Variants in CTNNA2 observed in about 807,000 individuals in gnomAD.
The protein encoded by CTNNA2 is catenin alpha 2.
A neutral mutation model predicts 101.0 loss-of-function variants in CTNNA2; 42 were observed. The observed-to-expected ratio is 0.42, with a 90% CI of 0.32 to 0.54. The LOEUF (loss-of-function observed/expected upper bound fraction) is 0.54, where lower values mean the gene tolerates loss of function less well. Ranked by LOEUF, CTNNA2 falls within the 20% of genes least tolerant of loss-of-function variation. The probability of loss-of-function intolerance (pLI) is 0.14; values close to 1 mark genes in which losing one functional copy is unlikely to be tolerated. For synonymous variants in CTNNA2, 450 were observed against 456.4 expected, an observed-to-expected ratio of 0.99 and a Z score of 0.18; for missense variants, 871 against 1,223.1, an observed-to-expected ratio of 0.71 and a Z score of 4.29.
At chr2:79,489,007 C>G (rs1404008967) in intron 4 of CTNNA2, among the ~76,000 whole-genome samples, 3 of 152,148 alleles carry the variant, frequency 2.0e-5, no homozygotes, top group Admixed American at 6.6e-5. Flanking sequence ...AGCATGGAAC[C>G]AGGCTGACAG....
chr2:79,229,851 G>A (rs184799957), intron 2 of CTNNA2, among the ~76,000 whole-genome samples: 148 of 152,324 alleles, frequency 9.7e-4, no homozygotes, highest in African/African-American at 3.4e-3. Context: ...GGGAACTGGA[G>A]CAAAGGTGAC....
chr2:79,263,110 G>A (rs942281605), intron 2 of CTNNA2, among the ~76,000 whole-genome samples: 21 of 152,120 alleles, frequency 1.4e-4, no homozygotes, highest in African/African-American at 5.1e-4. Context: ...GTGAAAAACA[G>A]GATACATAAA....
At chr2:80,143,249 A>G (rs1291007664) in intron 7 of CTNNA2, among the ~76,000 whole-genome samples, 5 of 152,224 alleles carry the variant, frequency 3.3e-5, no homozygotes, top group African/African-American at 1.2e-4. Flanking sequence ...GCAAGTGAAC[A>G]TTCCTGAAGG....
At chr2:79,946,166 G>A (rs1688480463) in intron 7 of CTNNA2, among the ~76,000 whole-genome samples, 1 of 152,118 alleles carries the variant, frequency 6.6e-6, no homozygotes, top group African/African-American at 2.4e-5. Flanking sequence ...AGAGAACTGA[G>A]GCCCAGAGAG....
chr2:79,973,269 C>T (rs1439330714), intron 7 of CTNNA2, among the ~76,000 whole-genome samples: 1 of 152,050 alleles, frequency 6.6e-6, no homozygotes, highest in Non-Finnish European at 1.5e-5. Context: ...GTTTTTCATG[C>T]TGCAAGTACA....
chr2:79,900,817 C>T (rs1005128448), intron 6 of CTNNA2, among the ~76,000 whole-genome samples: 4 of 152,122 alleles, frequency 2.6e-5, no homozygotes, highest in Non-Finnish European at 5.9e-5. Context: ...ATGTTTGTAA[C>T]ACAGAGAAAC....
intron 2 of CTNNA2, among the ~76,000 whole-genome samples, chr2:79,726,541 G>A (rs1385063529): frequency 6.6e-6 from 1 of 152,138 alleles, no homozygotes; most frequent in Admixed American, 6.5e-5. Flanking sequence ...ACAAATGCCT[G>A]ATGATCTGAG....
chr2:79,994,792 C>T (rs1184217261), intron 7 of CTNNA2, among the ~76,000 whole-genome samples: 2 of 152,060 alleles, frequency 1.3e-5, no homozygotes, highest in Non-Finnish European at 2.9e-5. Flanking sequence ...TTAACATCTG[C>T]TCTTTAATAA....
chr2:80,306,948 A>C (rs952394962), intron 7 of CTNNA2, among the ~76,000 whole-genome samples: 4 of 152,024 alleles, frequency 2.6e-5, no homozygotes, highest in African/African-American at 9.7e-5. Flanking sequence ...AAAGAAAGGG[A>C]ATAAAATTAA....
intron 1 of CTNNA2, among the ~76,000 whole-genome samples, chr2:79,197,249 C>T (rs1673973302): frequency 6.6e-6 from 1 of 152,188 alleles, no homozygotes; most frequent in Admixed American, 6.5e-5. Context: ...GCCACCATCA[C>T]TTGAATTTGG....
intron 1 of CTNNA2, among the ~76,000 whole-genome samples, chr2:79,647,167 C>T (rs1231089618): frequency 6.6e-6 from 1 of 152,114 alleles, no homozygotes; most frequent in Non-Finnish European, 1.5e-5. Flanking sequence ...CGTGAGACTG[C>T]ACACTTGATC....
chr2:79,307,125 A>G (rs949021752), intron 2 of CTNNA2, among the ~76,000 whole-genome samples: 19 of 152,288 alleles, frequency 1.2e-4, no homozygotes, highest in Admixed American at 5.9e-4. Flanking sequence ...GACACATAAT[A>G]ATTGTACATA....
chr2:79,949,127 G>C (rs891881676), intron 7 of CTNNA2, among the ~76,000 whole-genome samples: 19 of 152,026 alleles, frequency 1.2e-4, no homozygotes, highest in Non-Finnish European at 2.5e-4. Context: ...TTCAAATGCT[G>C]ATGCATTTGA....
intron 3 of CTNNA2, among the ~76,000 whole-genome samples, chr2:79,348,897 A>G (rs752865131): frequency 1.3e-5 from 2 of 152,152 alleles, no homozygotes; most frequent in Non-Finnish European, 2.9e-5. Flanking sequence ...AAAGCAGTTC[A>G]TTGCATTTAT....
intron 14 of CTNNA2, 51 bp downstream of exon 14, chr2:80,581,870 A>G (rs780253060): frequency 1.8e-6 from 2 of 1,097,956 alleles, no homozygotes; most frequent in East Asian, 4.7e-5. Flanking sequence ...CGTGTTTACT[A>G]AAATGGTTTG....
intron 7 of CTNNA2, among the ~76,000 whole-genome samples, chr2:80,267,395 G>A (rs377309441): frequency 6.6e-6 from 1 of 152,296 alleles, no homozygotes; most frequent in South Asian, 2.1e-4. Context: ...AATAAGACTG[G>A]CATTTGCTGA....
chr2:80,421,590 C>A (rs945546758), intron 9 of CTNNA2, among the ~76,000 whole-genome samples: 1 of 152,154 alleles, frequency 6.6e-6, no homozygotes, highest in Non-Finnish European at 1.5e-5. Flanking sequence ...TGATCCTCAA[C>A]TTGTGACAAG....
At chr2:79,944,137 A>T (rs1688336606) in intron 7 of CTNNA2, among the ~76,000 whole-genome samples, 1 of 148,046 alleles carries the variant, frequency 6.8e-6, no homozygotes, top group African/African-American at 2.5e-5. Context: ...GTCATTATTT[A>T]TTGAAAGCCT....
At chr2:80,530,105 T>C (rs888208549) in intron 9 of CTNNA2, among the ~76,000 whole-genome samples, 2 of 152,070 alleles carry the variant, frequency 1.3e-5, no homozygotes, top group Admixed American at 1.3e-4. Context: ...CTGTGAGGGA[T>C]GCATCTGCTG....
Sources: allele counts gnomAD v4.1 joint callset (sites outside exome capture counted in the v4.1 genomes callset), GRCh38; gene constraint gnomAD v4.1.1; transcripts MANE v1.5; gene names NCBI Gene and HGNC (gene_info 2026-07-23, HGNC 2026-07-21).